COL24A1: variants seen among roughly 807,000 people sequenced by gnomAD.
COL24A1 encodes collagen alpha-1(XXIV) chain.
COL24A1 carries 224 observed loss-of-function variants against 253.9 expected under a neutral mutation model. That is an observed-to-expected ratio of 0.88 (90% CI 0.79 to 0.99). The LOEUF (loss-of-function observed/expected upper bound fraction) is 0.99, where lower values mean the gene tolerates loss of function less well. COL24A1 is among the 50% of genes least tolerant of loss of function. The probability of loss-of-function intolerance (pLI) is 0.00; values close to 1 mark genes in which losing one functional copy is unlikely to be tolerated. For missense variants in COL24A1, 2,131 were observed against 2,068.5 expected, an observed-to-expected ratio of 1.03 and a Z score of -0.59; for synonymous variants, 685 against 673.7, an observed-to-expected ratio of 1.02 and a Z score of -0.26.
At chr1:85,884,529 T>C (rs1682239900) in intron 32 of COL24A1, among the ~76,000 whole-genome samples, 1 of 152,140 alleles carries the variant, frequency 6.6e-6, no homozygotes, top group Non-Finnish European at 1.5e-5. Context: ...GGTATGAGTG[T>C]AGGAAGGGCA....
intron 24 of COL24A1, among the ~76,000 whole-genome samples, chr1:85,937,106 C>T (rs1033810363): frequency 2.7e-5 from 4 of 147,514 alleles, no homozygotes; most frequent in African/African-American, 9.9e-5. Flanking sequence ...TGGGGGATCC[C>T]TTACGACCAG....
At chr1:85,873,249 A>C (rs911580721) in intron 35 of COL24A1, among the ~76,000 whole-genome samples, 6 of 152,158 alleles carry the variant, frequency 3.9e-5, no homozygotes, top group African/African-American at 1.4e-4. Flanking sequence ...GGGACTGTAA[A>C]CTAGTTCAAC....
chr1:86,101,774 G>A (rs1309250182), intron 5 of COL24A1, among the ~76,000 whole-genome samples: 1 of 152,110 alleles, frequency 6.6e-6, no homozygotes, highest in East Asian at 1.9e-4. Flanking sequence ...ATGTGCTGCT[G>A]GATTCAGTTT....
chr1:85,861,717 CT>C (rs1679171168), intron 37 of COL24A1, among the ~76,000 whole-genome samples: 1 of 152,046 alleles, frequency 6.6e-6, no homozygotes, highest in African/African-American at 2.4e-5. Flanking sequence ...TGTTCTTTTC[CT>C]GTAATTCGTT....
At chr1:85,996,474 GAGACC>G (rs1282533033) in intron 19 of COL24A1, among the ~76,000 whole-genome samples, 2 of 61,932 alleles carry the variant, frequency 3.2e-5, no homozygotes, top group Non-Finnish European at 7.5e-5. Flanking sequence ...TCAGGAGTTT[GAGACC>G]AGCCTGACCA....
At chr1:85,744,882 C>G in intron 56 of COL24A1, 48 bp from the exon 57 acceptor site, 1 of 1,421,032 alleles carries the variant, frequency 7.0e-7, no homozygotes, top group Non-Finnish European at 9.8e-7. Context: ...TCCTGAGGAC[C>G]AACATGGGCC....
rs373281945 is a variant in COL24A1 at position 85,961,382 on chromosome 1, T to C, written c.2518-89A>G. ...TTTCAATTTTCCTTTTTAATGTAATTATCTAGTCATAACCTAGAAAAAGGC... is the reference window on the plus strand; with the variant it reads ...TTTCAATTTTCCTTTTTAATGTAATCATCTAGTCATAACCTAGAAAAAGGC... On this transcript the variant is annotated intron_variant, in intron 23 of 59. Coordinates refer to ENST00000370571, the MANE Select transcript of COL24A1 (RefSeq NM_152890.7). The C allele has an allele frequency of 1.2e-4, 120 of 1,037,092 alleles. 1 individual carries two copies. The African/African-American group carries it at 1.8e-3, about 15-fold the overall frequency. 64.2% of individuals were successfully genotyped at this position (1,037,092 alleles called of 1,614,324 possible).
At chr1:85,826,336 T>A (rs1173209735) in intron 43 of COL24A1, among the ~76,000 whole-genome samples, 2 of 145,814 alleles carry the variant, frequency 1.4e-5, no homozygotes, top group Non-Finnish European at 3.0e-5. Context: ...AGCCTTGTAG[T>A]ATAGTTTGAA....
intron 19 of COL24A1, among the ~76,000 whole-genome samples, chr1:86,014,777 C>T (rs771220192): frequency 2.6e-5 from 4 of 152,236 alleles, no homozygotes; most frequent in Non-Finnish European, 5.9e-5. Context: ...GCTATCCTTT[C>T]CTTTCTATTG....
At chr1:86,036,840 G>A (rs940499912) in intron 12 of COL24A1, among the ~76,000 whole-genome samples, 1 of 152,020 alleles carries the variant, frequency 6.6e-6, no homozygotes, top group African/African-American at 2.4e-5. Context: ...ATATTTTCCT[G>A]GTAGAAAATT....
intron 5 of COL24A1, among the ~76,000 whole-genome samples, chr1:86,110,847 C>G (rs538350890): frequency 6.7e-6 from 1 of 150,370 alleles, no homozygotes; most frequent in Non-Finnish European, 1.5e-5. Context: ...TGGGCTGCCG[C>G]GCGGCCCAAG....
chr1:85,779,542 T>C (rs1338156493), intron 52 of COL24A1, among the ~76,000 whole-genome samples: 1 of 152,248 alleles, frequency 6.6e-6, no homozygotes, highest in Non-Finnish European at 1.5e-5. Flanking sequence ...GATGAGATAA[T>C]TGAGTCGCCA....
intron 28 of COL24A1, among the ~76,000 whole-genome samples, chr1:85,903,991 G>A (rs1224345114): frequency 5.3e-5 from 8 of 152,122 alleles, no homozygotes; most frequent in Non-Finnish European, 8.8e-5. Flanking sequence ...TTCAGGTATT[G>A]AATCTAGCTT....
chr1:85,923,767 A>G (rs772867594), intron 24 of COL24A1, among the ~76,000 whole-genome samples: 3 of 152,196 alleles, frequency 2.0e-5, no homozygotes, highest in Non-Finnish European at 4.4e-5. Flanking sequence ...AGAACTATAG[A>G]AGCAAGGGCA....
chr1:85,791,807 C>T (rs530345779), intron 47 of COL24A1, among the ~76,000 whole-genome samples: 15 of 152,166 alleles, frequency 9.9e-5, no homozygotes, highest in Admixed American at 6.5e-4. Flanking sequence ...TTAACAAGTG[C>T]AGAAAATTCT....
chr1:86,151,226 C>T (rs1053895463), intron 1 of COL24A1, among the ~76,000 whole-genome samples: 1 of 152,028 alleles, frequency 6.6e-6, no homozygotes, highest in Admixed American at 6.6e-5. Flanking sequence ...GTTGTTAATT[C>T]ATTCATATAT....
intron 57 of COL24A1, among the ~76,000 whole-genome samples, chr1:85,738,079 T>C (rs1664242416): frequency 1.3e-5 from 2 of 152,192 alleles, no homozygotes; most frequent in South Asian, 2.1e-4. Context: ...AATGATAGAA[T>C]AGCTGAATTG....
In COL24A1 at chr1:86,008,681, T is replaced by G. The variant is rs148833226; in HGVS notation, c.2310+8470A>C. 3.1e-4 allele frequency among the ~76,000 whole-genome samples: 47 copies of G among 151,990 alleles called. No individual in the cohort carries two copies. The East Asian group carries it at 8.9e-3, about 29-fold the overall frequency. ...AGAATTAACTTAAAGGTTTAAGAAG[T>G]GGGAAAGAAGAACTAAAATGATCTC... On this transcript the variant is annotated intron_variant, in intron 19 of 59. Transcript: ENST00000370571.
At chr1:86,001,352 T>C (rs1398009635) in intron 19 of COL24A1, among the ~76,000 whole-genome samples, 1 of 152,184 alleles carries the variant, frequency 6.6e-6, no homozygotes, top group Non-Finnish European at 1.5e-5. Flanking sequence ...TTATGAAGAT[T>C]TGAGTTTCCT....
Sources: gnomAD v4.1 joint callset for allele counts (sites outside exome capture counted in the v4.1 genomes callset) on GRCh38, gnomAD v4.1.1 for gene constraint, MANE v1.5 for transcripts, NCBI Gene and HGNC (gene_info 2026-07-23, HGNC 2026-07-21) for gene names.